COL6A6: variants seen among roughly 807,000 people sequenced by gnomAD.
COL6A6 encodes collagen type VI alpha 6 chain.
A neutral mutation model predicts 208.6 loss-of-function variants in COL6A6; 183 were observed. The observed-to-expected ratio is 0.88, with a 90% CI of 0.78 to 0.99. COL6A6 has a LOEUF of 0.99. Among genes scored for constraint, COL6A6 ranks in the 50% least tolerant of loss-of-function variants. The pLI is 0.00. For missense variants in COL6A6, 2,816 were observed against 2,815.2 expected, an observed-to-expected ratio of 1.00 and a Z score of -0.01; for synonymous variants, 973 against 1,011.8, an observed-to-expected ratio of 0.96 and a Z score of 0.73.
At chr3:130,560,582 C>T (rs993653122) in intron 2 of COL6A6, among the ~76,000 whole-genome samples, 154 bp downstream of exon 2, 2 of 152,114 alleles carry the variant, frequency 1.3e-5, no homozygotes, top group African/African-American at 4.8e-5. Flanking sequence ...TTTGTAAGGT[C>T]ACTCCATATT....
chr3:130,639,519 C>A (rs1427805193), intron 28 of COL6A6, among the ~76,000 whole-genome samples: 4 of 151,994 alleles, frequency 2.6e-5, no homozygotes, highest in Admixed American at 2.6e-4. Context: ...ATGGCCAAAC[C>A]CCATCTCTAC....
Position 130,565,111 on chromosome 3 carries a change from A to C in COL6A6, c.779A>C (p.Asp260Ala). ...TTGGAAGAAAGTGTATCTGCCCTTG[A>C]CATAAAGGAAAATTGCATGAGGGTT... is the stretch of plus-strand genomic sequence containing the variant. ...GFLEESVSAL[D>A]IKENCMRVGL... The change falls in exon 4 of 37, where the codon GAC becomes GCC. Residue 260 changes from aspartate (D) to alanine (A), a missense_variant. By Grantham distance (126) the Asp-to-Ala change is moderately radical. Transcript: ENST00000358511. 6.2e-7 allele frequency: 1 copy of C among 1,614,042 alleles called. No individual in the cohort carries two copies. Among genetic ancestry groups the C allele is most frequent in the Non-Finnish European group, 8.5e-7 (1 of 1,179,890 alleles).
At chr3:130,643,207 T>C (rs2065370337) in intron 31 of COL6A6, among the ~76,000 whole-genome samples, 184 bp downstream of exon 31, 1 of 152,224 alleles carries the variant, frequency 6.6e-6, no homozygotes. Context: ...ATCATGTCTA[T>C]TGAAACCCAT....
intron 36 of COL6A6, 149 bp from the exon 37 acceptor site, chr3:130,675,053 A>G: frequency 3.8e-6 from 2 of 525,408 alleles, no homozygotes; most frequent in South Asian, 4.3e-5. Flanking sequence ...GAGCCAGTTT[A>G]AGTACCCAGT....
intron 1 of COL6A6, among the ~76,000 whole-genome samples, chr3:130,547,553 G>A (rs2062543070): frequency 6.6e-6 from 1 of 152,258 alleles, no homozygotes; most frequent in Non-Finnish European, 1.5e-5. Context: ...CGTGGCCAGA[G>A]CAGATGCCGA....
chr3:130,517,063 A>C (rs1577571705), upstream of COL6A6, among the ~76,000 whole-genome samples: 1 of 152,268 alleles, frequency 6.6e-6, no homozygotes, highest in East Asian at 1.9e-4. Flanking sequence ...CACCTCCCTA[A>C]GGCTGCGCCC....
At chr3:130,660,481 A>G (rs2108452844) in intron 34 of COL6A6, among the ~76,000 whole-genome samples, 1 of 152,334 alleles carries the variant, frequency 6.6e-6, no homozygotes, top group South Asian at 2.1e-4. Context: ...CTGCCTATAT[A>G]TCCAGTACCA....
intron 33 of COL6A6, among the ~76,000 whole-genome samples, chr3:130,653,656 A>G (rs1427038015): frequency 6.6e-6 from 1 of 152,240 alleles, no homozygotes; most frequent in Admixed American, 6.5e-5. Flanking sequence ...CATAAATAAT[A>G]GGACCATTTT....
At chr3:130,572,598 C>T (rs1011866176) in intron 7 of COL6A6, among the ~76,000 whole-genome samples, 1 of 152,182 alleles carries the variant, frequency 6.6e-6, no homozygotes, top group Non-Finnish European at 1.5e-5. Context: ...CAAATCTCTT[C>T]CTTCCTTGTA....
At chr3:130,605,051 G>C (rs1314015766) in intron 20 of COL6A6, among the ~76,000 whole-genome samples, 1 of 152,152 alleles carries the variant, frequency 6.6e-6, no homozygotes, top group Non-Finnish European at 1.5e-5. Flanking sequence ...TTTTGACACA[G>C]ATGGCCTTAC....
intron 8 of COL6A6, among the ~76,000 whole-genome samples, chr3:130,576,145 C>A (rs746345285): frequency 6.6e-6 from 1 of 152,138 alleles, no homozygotes; most frequent in Non-Finnish European, 1.5e-5. Context: ...AGCCCTCCAG[C>A]GTGATTGCCT....
Position 130,589,162 on chromosome 3 carries a change from C to A in COL6A6, c.4198C>A (p.Pro1400Thr). Residue 1400 changes from proline (P) to threonine (T), a missense_variant, in exon 12 of 37, where the codon CCT becomes ACT. Physicochemically the swap from Pro to Thr is conservative, Grantham distance 38. Coordinates refer to ENST00000358511, the MANE Select transcript of COL6A6 (RefSeq NM_001102608.3). ...TGGAGGAGATGGCACAATGGGAGAT[C>A]CTGGACCACCAGGGAAAAGGGTGAT... ...CIGGDGTMGD[P>T]GPPGKRGPPG... The A allele has an allele frequency of 6.2e-7, 1 of 1,613,496 alleles. No homozygotes were observed. The highest frequency in any genetic ancestry group is 8.5e-7 in the Non-Finnish European group (1 of 1,179,508).
At chr3:130,588,394 A>G (rs1044629690) in intron 11 of COL6A6, among the ~76,000 whole-genome samples, 3 of 152,266 alleles carry the variant, frequency 2.0e-5, no homozygotes, top group Non-Finnish European at 2.9e-5. Context: ...ATGTAAAGCA[A>G]TATGTCATCT....
Position 130,676,080 on chromosome 3 carries a change from T to C in COL6A6, c.*683T>C, listed in dbSNP as rs993032197. 6.6e-6 allele frequency: 1 copy of C among 152,256 alleles called. No individual in the cohort carries two copies. The highest frequency in any genetic ancestry group is 2.4e-5 in the African/African-American group (1 of 41,482). 9.4% of individuals were successfully genotyped at this position (152,256 alleles called of 1,614,324 possible). A position where few individuals can be genotyped will look rare whatever the true frequency, so the allele number is the denominator to read the frequency against. ...AAGCTTACTGCCATTTTGATGGAGC[T>C]TGAAGCCCCCATTTTGATGGACTTC... is the stretch of plus-strand genomic sequence containing the variant. On this transcript the variant is annotated 3_prime_UTR_variant, in exon 37 of 37. Transcript: ENST00000358511.
At chr3:130,671,416 TCTC>T (rs2066212632) in intron 36 of COL6A6, among the ~76,000 whole-genome samples, 4 of 152,176 alleles carry the variant, frequency 2.6e-5, no homozygotes, top group African/African-American at 9.7e-5. Context: ...ATGCTCAGCT[TCTC>T]CTATGTATTT....
intron 18 of COL6A6, among the ~76,000 whole-genome samples, chr3:130,595,788 T>G (rs1304001023): frequency 1.3e-5 from 2 of 152,232 alleles, no homozygotes; most frequent in Admixed American, 6.5e-5. Flanking sequence ...TTTGATGCAC[T>G]TTTTTACATA....
intron 4 of COL6A6, among the ~76,000 whole-genome samples, chr3:130,566,212 A>G (rs951257873): frequency 2.0e-5 from 3 of 152,214 alleles, no homozygotes; most frequent in Non-Finnish European, 2.9e-5. Context: ...AAATATTTAT[A>G]GCATATTTAC....
At chr3:130,532,947 A>G (rs1386886278) in intron 1 of COL6A6, among the ~76,000 whole-genome samples, 1 of 149,336 alleles carries the variant, frequency 6.7e-6, no homozygotes, top group Non-Finnish European at 1.5e-5. Flanking sequence ...CACAATATGG[A>G]TTCAGAATAG....
chr3:130,622,664 T>C (rs1230437963), intron 24 of COL6A6, among the ~76,000 whole-genome samples: 1 of 151,830 alleles, frequency 6.6e-6, no homozygotes, highest in Non-Finnish European at 1.5e-5. Flanking sequence ...GAGACCATCC[T>C]GGCTAACATG....
Sources: gnomAD v4.1 joint callset for allele counts (sites outside exome capture counted in the v4.1 genomes callset) on GRCh38, gnomAD v4.1.1 for gene constraint, MANE v1.5 for transcripts, NCBI Gene and HGNC (gene_info 2026-07-23, HGNC 2026-07-21) for gene names.